CFTR: variants seen among roughly 807,000 people sequenced by gnomAD.
CFTR encodes the protein CF transmembrane conductance regulator.
Under a neutral mutation model 171.6 loss-of-function variants are expected in CFTR, and 181 were observed. That is an observed-to-expected ratio of 1.05 (90% CI 0.93 to 1.19). The LOEUF (loss-of-function observed/expected upper bound fraction) is 1.19. CFTR is among the 50% of genes most tolerant of loss of function. The pLI, the probability that CFTR is intolerant of heterozygous loss-of-function variation, is 0.00. For missense variants in CFTR, 1,968 were observed against 1,734.7 expected (o/e 1.13, Z -2.39); for synonymous variants, 583 against 608.0 (o/e 0.96, Z 0.60).
At chr7:117,534,463 T>C in intron 5 of CFTR, 98 bp downstream of exon 5, 1 of 730,988 alleles carries the variant, frequency 1.4e-6, no homozygotes, top group Non-Finnish European at 2.5e-6. Context: ...TAATTAGTGG[T>C]TAAGTCTTGC....
At chr7:117,636,224 G>C (rs1490672130) in intron 22 of CFTR, among the ~76,000 whole-genome samples, 2 of 152,124 alleles carry the variant, frequency 1.3e-5, no homozygotes, top group African/African-American at 2.4e-5. Flanking sequence ...TGAGAAGTTA[G>C]ATATAATTCT....
chr7:117,535,387 T>G lies in CFTR; in HGVS notation c.719T>G (p.Leu240Arg). Residue 240 changes from leucine to arginine, a missense_variant, in exon 6 of 27, where the codon CTA becomes CGA. Coordinates refer to ENST00000003084, the MANE Select transcript of CFTR (RefSeq NM_000492.4). The stretch of plus-strand genomic sequence containing the variant: ...GTCCTTGCCCTTTTTCAGGCTGGGC[T>G]AGGGAGAATGATGATGAAGTACAGG... ...LIVLALFQAGLGRMMMKYRDQ... is the reference protein window; with the variant it reads ...LIVLALFQAGRGRMMMKYRDQ... The G allele has an allele frequency of 6.2e-7, 1 of 1,614,146 alleles. No individual in the cohort carries two copies. The highest frequency in any genetic ancestry group is 1.1e-5 in the South Asian group (1 of 91,082).
chr7:117,535,128 G>C, intron 5 of CFTR, 120 bp from the exon 6 acceptor site: 1 of 1,044,600 alleles, frequency 9.6e-7, no homozygotes, highest in Admixed American at 1.7e-5. Context: ...AGTGTGCTCA[G>C]AACCACGAAG....
intron 24 of CFTR, among the ~76,000 whole-genome samples, chr7:117,656,000 C>A (rs757534288): frequency 6.6e-6 from 1 of 152,138 alleles, no homozygotes; most frequent in Non-Finnish European, 1.5e-5. Flanking sequence ...CCTCCTAATA[C>A]CAGCATCTTT....
chr7:117,516,635 T>C (rs1798600129), intron 3 of CFTR, among the ~76,000 whole-genome samples: 1 of 152,162 alleles, frequency 6.6e-6, no homozygotes, highest in Non-Finnish European at 1.5e-5. Flanking sequence ...TCTAACTGTC[T>C]AGTTCAAATA....
At position 117,642,572 on chromosome 7, in the gene CFTR, A is replaced by G. The variant is rs547248892; in HGVS notation, c.3852A>G (p.Lys1284=). The G allele has an allele frequency of 4.3e-6, 7 of 1,613,472 alleles. No homozygotes were observed. The African/African-American group carries it at 8.0e-5, about 18-fold the overall frequency. The change falls in exon 23 of 27, where the codon AAA becomes AAG. Residue 1284 remains lysine (K), a synonymous_variant. Transcript: ENST00000003084. ...WDSITLQQWR[K]AFGVIPQKVF... ...CAATAACTTTGCAACAGTGGAGGAA[A>G]GCCTTTGGAGTGATACCACAGGTGA...
At chr7:117,575,933 C>CTT (rs1259259869) in intron 11 of CFTR, among the ~76,000 whole-genome samples, 1 of 151,996 alleles carries the variant, frequency 6.6e-6, no homozygotes, top group Non-Finnish European at 1.5e-5. Context: ...TATGTAGTCA[C>CTT]TTTTATCCAT....
At chr7:117,489,415 T>A (rs530186612) in intron 1 of CFTR, among the ~76,000 whole-genome samples, 2 of 152,242 alleles carry the variant, frequency 1.3e-5, no homozygotes, top group African/African-American at 4.8e-5. Flanking sequence ...GAAAGGCTAT[T>A]GTTAAATTGA....
At chr7:117,664,992 TG>T (rs1793349657) in intron 25 of CFTR, 132 bp downstream of exon 25, 1 of 974,730 alleles carries the variant, frequency 1.0e-6, no homozygotes, top group Non-Finnish European at 1.6e-6. Flanking sequence ...ATGAAATAAT[TG>T]CCCAGTGGAA....
chr7:117,544,389 A>G (rs1176779067), intron 9 of CFTR, among the ~76,000 whole-genome samples: 1 of 152,194 alleles, frequency 6.6e-6, no homozygotes, highest in Non-Finnish European at 1.5e-5. Context: ...GATTTTTATC[A>G]CATTCACAAA....
intron 17 of CFTR, 66 bp downstream of exon 17, chr7:117,603,848 G>T: frequency 6.3e-7 from 1 of 1,575,370 alleles, no homozygotes. Flanking sequence ...GGTTTTGTTG[G>T]TTTTCTAATG....
chr7:117,656,674 A>G (rs1277518498), intron 24 of CFTR, among the ~76,000 whole-genome samples: 1 of 152,186 alleles, frequency 6.6e-6, no homozygotes, highest in Admixed American at 6.5e-5. Context: ...AAGAAAAGGG[A>G]ACATAAATTA....
At chr7:117,641,858 A>G (rs981087350) in intron 22 of CFTR, among the ~76,000 whole-genome samples, 2 of 152,218 alleles carry the variant, frequency 1.3e-5, no homozygotes, top group Non-Finnish European at 2.9e-5. Flanking sequence ...TGATTTGACA[A>G]CTGTCCAAAG....
intron 3 of CFTR, among the ~76,000 whole-genome samples, chr7:117,522,561 G>C (rs1207110035): frequency 1.3e-5 from 2 of 152,162 alleles, no homozygotes; most frequent in African/African-American, 2.4e-5. Flanking sequence ...ATTTGTGTCT[G>C]ATACAGAGTA....
chr7:117,553,665 T>G (rs931143280), intron 10 of CFTR, among the ~76,000 whole-genome samples: 2 of 152,194 alleles, frequency 1.3e-5, no homozygotes, highest in African/African-American at 4.8e-5. Context: ...TAGTGTAAAA[T>G]ATCATTTCAA....
At chr7:117,561,645 A>C (rs1050712331) in intron 11 of CFTR, among the ~76,000 whole-genome samples, 2 of 152,322 alleles carry the variant, frequency 1.3e-5, no homozygotes, top group South Asian at 4.1e-4. Flanking sequence ...ATATTTATTA[A>C]GACTTGCTTT....
intron 24 of CFTR, among the ~76,000 whole-genome samples, chr7:117,662,584 A>G (rs933483313): frequency 3.9e-5 from 6 of 152,190 alleles, no homozygotes; most frequent in Non-Finnish European, 7.3e-5. Flanking sequence ...GAGAGATCTT[A>G]GATTTTATTC....
At chr7:117,619,385 C>A (rs569565175) in intron 21 of CFTR, among the ~76,000 whole-genome samples, 1 of 152,132 alleles carries the variant, frequency 6.6e-6, no homozygotes, top group Non-Finnish European at 1.5e-5. Flanking sequence ...AGCCATCTAG[C>A]GATTGATAAA....
chr7:117,491,196 T>C (rs1436201152), intron 1 of CFTR, among the ~76,000 whole-genome samples: 1 of 152,002 alleles, frequency 6.6e-6, no homozygotes, highest in African/African-American at 2.4e-5. Flanking sequence ...TCGGAACATG[T>C]CTAAACACAG....
Sources: gnomAD v4.1 joint callset for allele counts (sites outside exome capture counted in the v4.1 genomes callset) on GRCh38, gnomAD v4.1.1 for gene constraint, MANE v1.5 for transcripts, NCBI Gene and HGNC (gene_info 2026-07-23, HGNC 2026-07-21) for gene names.